Variants in CTNNA3 observed in about 807,000 individuals in gnomAD.
The protein encoded by CTNNA3 is catenin alpha-3.
Under a neutral mutation model 95.7 loss-of-function variants are expected in CTNNA3, and 76 were observed. That is an observed-to-expected ratio of 0.79 (90% CI 0.66 to 0.96). The LOEUF (loss-of-function observed/expected upper bound fraction) is 0.96, where lower values mean the gene tolerates loss of function less well. Among genes scored for constraint, CTNNA3 ranks in the 40% least tolerant of loss-of-function variants. CTNNA3 has a pLI of 0.00. For synonymous variants in CTNNA3, 431 were observed against 374.4 expected (o/e 1.15, Z -1.74); for missense variants, 1,191 against 1,089.8 (o/e 1.09, Z -1.31).
intron 12 of CTNNA3, among the ~76,000 whole-genome samples, chr10:66,376,216 T>C (rs16922912): frequency 0.16 from 24,451 of 152,142 alleles, 2,683 homozygotes; most frequent in East Asian, 0.44. Flanking sequence ...GTATAATTTG[T>C]AAGCCTTCAC....
At chr10:66,857,462 G>C (rs1056725081) in intron 7 of CTNNA3, among the ~76,000 whole-genome samples, 1 of 151,696 alleles carries the variant, frequency 6.6e-6, no homozygotes. Context: ...TTGGTAGTTT[G>C]ATAGGAATAG....
At chr10:66,217,669 T>C (rs1410317780) in intron 13 of CTNNA3, among the ~76,000 whole-genome samples, 1 of 152,226 alleles carries the variant, frequency 6.6e-6, no homozygotes, top group East Asian at 1.9e-4. Context: ...CTGGGTCATA[T>C]GGTAAATGTA....
chr10:66,777,296 T>C (rs569258573), intron 7 of CTNNA3, among the ~76,000 whole-genome samples: 10 of 152,088 alleles, frequency 6.6e-5, no homozygotes, highest in Non-Finnish European at 1.3e-4. Flanking sequence ...CTGCCTCCTA[T>C]AGGAAGACAC....
chr10:66,938,402 G>A (rs562284038), intron 7 of CTNNA3, among the ~76,000 whole-genome samples: 1 of 152,220 alleles, frequency 6.6e-6, no homozygotes, highest in South Asian at 2.1e-4. Flanking sequence ...TTTTATATAT[G>A]TATCTTATTC....
intron 1 of CTNNA3, among the ~76,000 whole-genome samples, chr10:67,651,842 T>C (rs1839886612): frequency 6.6e-6 from 1 of 152,184 alleles, no homozygotes; most frequent in Non-Finnish European, 1.5e-5. Flanking sequence ...CTGCCCTTTA[T>C]TTACAAATTA....
intron 9 of CTNNA3, among the ~76,000 whole-genome samples, chr10:66,763,488 G>T (rs1589227708): frequency 6.7e-6 from 1 of 149,848 alleles, no homozygotes; most frequent in African/African-American, 2.5e-5. Context: ...AAAAAAAATT[G>T]TTACATCATA....
At chr10:67,232,315 A>G (rs1350609754) in intron 5 of CTNNA3, among the ~76,000 whole-genome samples, 2 of 152,332 alleles carry the variant, frequency 1.3e-5, no homozygotes, top group East Asian at 1.9e-4. Flanking sequence ...CGGATCTCTC[A>G]GCAGAAACTC....
intron 10 of CTNNA3, among the ~76,000 whole-genome samples, chr10:66,539,937 C>T (rs900790809): frequency 6.6e-6 from 1 of 152,012 alleles, no homozygotes; most frequent in Non-Finnish European, 1.5e-5. Context: ...AGGTAAAATA[C>T]CTATAATAGT....
intron 13 of CTNNA3, among the ~76,000 whole-genome samples, chr10:66,208,989 T>C (rs1488134611): frequency 6.6e-6 from 1 of 152,126 alleles, no homozygotes; most frequent in Non-Finnish European, 1.5e-5. Flanking sequence ...TTTTATGGTA[T>C]ATTTATAGTA....
At chr10:66,988,069 G>T (rs532743890) in intron 7 of CTNNA3, among the ~76,000 whole-genome samples, 7 of 152,054 alleles carry the variant, frequency 4.6e-5, no homozygotes, top group Non-Finnish European at 8.8e-5. Context: ...TATTCTTTAG[G>T]ATGGCAGAGA....
intron 15 of CTNNA3, among the ~76,000 whole-genome samples, chr10:66,015,739 T>C (rs972599930): frequency 2.6e-5 from 4 of 152,170 alleles, no homozygotes; most frequent in African/African-American, 9.6e-5. Flanking sequence ...GTGTAAATAT[T>C]AGGATAAAGT....
chr10:67,199,013 G>T (rs185086988), intron 6 of CTNNA3, among the ~76,000 whole-genome samples: 1 of 151,724 alleles, frequency 6.6e-6, no homozygotes, highest in Non-Finnish European at 1.5e-5. Context: ...AGGAAGGAGA[G>T]AAAGAGGAGG....
chr10:67,757,854 TAC>T (rs1841442043), intron 1 of CTNNA3, among the ~76,000 whole-genome samples: 1 of 152,180 alleles, frequency 6.6e-6, no homozygotes, highest in African/African-American at 2.4e-5. Flanking sequence ...CTTTAATATA[TAC>T]GTCTATCCTA....
At chr10:66,049,745 G>A (rs561419226) in intron 15 of CTNNA3, among the ~76,000 whole-genome samples, 1 of 152,154 alleles carries the variant, frequency 6.6e-6, no homozygotes, top group African/African-American at 2.4e-5. Context: ...TAAATGGTAA[G>A]AACTTTTGAG....
At chr10:67,480,861 A>C (rs1183913956) in intron 5 of CTNNA3, among the ~76,000 whole-genome samples, 1 of 152,150 alleles carries the variant, frequency 6.6e-6, no homozygotes, top group Non-Finnish European at 1.5e-5. Flanking sequence ...GGTCTTGGCA[A>C]CGATACTAGC....
At chr10:67,563,226 C>T (rs1312500638) in intron 3 of CTNNA3, among the ~76,000 whole-genome samples, 1 of 152,148 alleles carries the variant, frequency 6.6e-6, no homozygotes, top group Admixed American at 6.5e-5. Context: ...ATCACACTAC[C>T]TGACTTCAAA....
intron 15 of CTNNA3, among the ~76,000 whole-genome samples, chr10:66,007,727 T>TCCCTCCCTCCCTCCCTCCCC: frequency 1.4e-5 from 1 of 69,738 alleles, no homozygotes; most frequent in Non-Finnish European, 2.8e-5. Flanking sequence ...CCTCCCTCCC[T>TCCCTCCCTCCCTCCCTCCCC]TTCTTCCTCC....
At chr10:66,876,676 G>T (rs1844634427) in intron 7 of CTNNA3, among the ~76,000 whole-genome samples, 1 of 140,724 alleles carries the variant, frequency 7.1e-6, no homozygotes. Context: ...TCTAAATTCG[G>T]CCCTAACAAT....
intron 11 of CTNNA3, among the ~76,000 whole-genome samples, chr10:66,506,965 A>G (rs60269902): frequency 0.062 from 9,458 of 152,210 alleles, 571 homozygotes; most frequent in East Asian, 0.31. Flanking sequence ...ACTCCTATTA[A>G]ATAAATATCA....
Sources: allele counts gnomAD v4.1 joint callset (sites outside exome capture counted in the v4.1 genomes callset), GRCh38; gene constraint gnomAD v4.1.1; transcripts MANE v1.5; gene names NCBI Gene and HGNC (gene_info 2026-07-23, HGNC 2026-07-21).